Variants in CNGB3 observed in about 807,000 individuals in gnomAD.
CNGB3 encodes the protein cyclic nucleotide-gated channel beta-3.
Under a neutral mutation model 92.8 loss-of-function variants are expected in CNGB3, and 86 were observed. The observed-to-expected ratio is 0.93, with a 90% CI of 0.78 to 1.11. The LOEUF (loss-of-function observed/expected upper bound fraction) is 1.11, where lower values mean the gene tolerates loss of function less well. Among genes scored for constraint, CNGB3 ranks in the 50% least tolerant of loss-of-function variants. The pLI is 0.00. For synonymous variants in CNGB3, 333 were observed against 332.7 expected (o/e 1.00, Z -0.01); for missense variants, 1,026 against 956.8 (o/e 1.07, Z -0.95).
At chr8:86,587,901 T>G (rs1268937397) in intron 15 of CNGB3, among the ~76,000 whole-genome samples, 9 of 152,258 alleles carry the variant, frequency 5.9e-5, no homozygotes, top group African/African-American at 1.4e-4. Context: ...TGATGGGGAT[T>G]GCATTGAATC....
intron 16 of CNGB3, 76 bp downstream of exon 16, chr8:86,579,029 AT>A: frequency 6.3e-7 from 1 of 1,585,342 alleles, no homozygotes; most frequent in Non-Finnish European, 8.7e-7. Context: ...CACAATCATA[AT>A]ACGGTTCTCC....
At chr8:86,674,076 ATTTG>A (rs2131621657) in intron 3 of CNGB3, among the ~76,000 whole-genome samples, 1 of 152,202 alleles carries the variant, frequency 6.6e-6, no homozygotes, top group East Asian at 1.9e-4. Context: ...ACTTTTAACA[ATTTG>A]TTTGACCTTA....
chr8:86,611,550 T>C lies in CNGB3; in HGVS notation c.1662+38A>G, dbSNP rs375020827. ...CTTATGTCCGAAATCCTCAAATGCA[T>C]TTATTAGTTGTGCATTTGAAAAATA... On this transcript the variant is annotated intron_variant, in intron 14 of 17. Coordinates refer to ENST00000320005, the MANE Select transcript of CNGB3 (RefSeq NM_019098.5). 3.5e-4 allele frequency: 517 copies of C among 1,484,024 alleles called. 2 individuals are homozygous for C. The highest frequency in any genetic ancestry group is 4.4e-4 in the Non-Finnish European group (466 of 1,061,436). 91.9% of individuals were successfully genotyped at this position (1,484,024 alleles called of 1,614,324 possible).
At chr8:86,596,411 AAAAC>A (rs1293529776) in intron 15 of CNGB3, among the ~76,000 whole-genome samples, 1 of 150,224 alleles carries the variant, frequency 6.7e-6, no homozygotes, top group African/African-American at 2.5e-5. Context: ...TAAATAAAAT[AAAAC>A]AAAGTAATTT....
At chr8:86,659,044 G>T (rs1333075987) in intron 6 of CNGB3, 4 of 959,862 alleles carry the variant, frequency 4.2e-6, no homozygotes, top group East Asian at 5.0e-5. Context: ...TATAGCTGCT[G>T]CTCCACCTCA....
intron 2 of CNGB3, among the ~76,000 whole-genome samples, chr8:86,731,338 T>A (rs193097199): frequency 3.9e-5 from 6 of 152,036 alleles, no homozygotes; most frequent in Non-Finnish European, 7.4e-5. Context: ...TTGCATGGGG[T>A]CAAAACTAAG....
At chr8:86,651,819 T>C (rs1823409495) in intron 7 of CNGB3, among the ~76,000 whole-genome samples, 2 of 151,976 alleles carry the variant, frequency 1.3e-5, no homozygotes, top group African/African-American at 2.4e-5. Flanking sequence ...GAGTAAGATA[T>C]TGTTTCTATT....
intron 13 of CNGB3, among the ~76,000 whole-genome samples, chr8:86,616,636 A>G (rs1456284650): frequency 6.6e-6 from 1 of 152,136 alleles, no homozygotes; most frequent in Admixed American, 6.5e-5. Context: ...TCTTTTTTCT[A>G]TAAAGTGAGA....
intron 10 of CNGB3, among the ~76,000 whole-genome samples, chr8:86,640,376 G>A (rs1261218533): frequency 6.6e-6 from 1 of 152,088 alleles, no homozygotes; most frequent in African/African-American, 2.4e-5. Flanking sequence ...GAAGTTCTAT[G>A]TCACCAAACT....
chr8:86,681,721 T>C (rs1161424008), intron 3 of CNGB3, among the ~76,000 whole-genome samples: 2 of 152,014 alleles, frequency 1.3e-5, no homozygotes, highest in Non-Finnish European at 2.9e-5. Flanking sequence ...CTTCAAGAGA[T>C]GGAAAAAAAC....
chr8:86,598,632 C>A (rs1039093915), intron 15 of CNGB3, among the ~76,000 whole-genome samples: 3 of 152,124 alleles, frequency 2.0e-5, no homozygotes, highest in African/African-American at 4.8e-5. Flanking sequence ...AGTGAAAAAT[C>A]TTTTCTTGCC....
chr8:86,655,397 G>A (rs1003145206), intron 6 of CNGB3, among the ~76,000 whole-genome samples: 16 of 152,076 alleles, frequency 1.1e-4, no homozygotes, highest in Non-Finnish European at 4.4e-5. Context: ...CTCACTTCCC[G>A]GAGCATCCCA....
At chr8:86,734,008 C>T (rs911513643) in intron 2 of CNGB3, among the ~76,000 whole-genome samples, 9 of 152,064 alleles carry the variant, frequency 5.9e-5, no homozygotes, top group Non-Finnish European at 1.0e-4. Context: ...GCTGGAACTA[C>T]AGGCGGGTGC....
chr8:86,584,703 G>C (rs9692884), intron 15 of CNGB3, among the ~76,000 whole-genome samples: 5,940 of 152,158 alleles, frequency 0.039, 390 homozygotes, highest in African/African-American at 0.13. Context: ...GGAGTACAAA[G>C]AGTTGAGGTT....
intron 3 of CNGB3, among the ~76,000 whole-genome samples, chr8:86,698,461 G>C (rs1824490765): frequency 6.6e-6 from 1 of 152,154 alleles, no homozygotes; most frequent in Admixed American, 6.5e-5. Context: ...TACAAAGATA[G>C]AGAAAACAAT....
intron 15 of CNGB3, among the ~76,000 whole-genome samples, chr8:86,603,314 A>T (rs1822345207): frequency 6.6e-6 from 1 of 152,220 alleles, no homozygotes; most frequent in Non-Finnish European, 1.5e-5. Context: ...TAAGAGCAAT[A>T]CCTGACAATC....
chr8:86,660,114 T>C, intron 6 of CNGB3: 1 of 316,020 alleles, frequency 3.2e-6, no homozygotes, highest in East Asian at 7.8e-5. Flanking sequence ...AGCATGGTCT[T>C]TGCACATATC....
Position 86,647,660 on chromosome 8 carries a change from C to T in CNGB3, c.990+141G>A, listed in dbSNP as rs1324766691. 3 of 604,186 alleles carry T rather than the reference C, an allele frequency of 5.0e-6. No individual in the cohort carries two copies. The East Asian group carries it at 8.6e-5, about 17-fold the overall frequency. 37.4% of individuals were successfully genotyped at this position (604,186 alleles called of 1,614,324 possible). ...AAAAAAATTATAGCATTGATGAGGG[C>T]AGAAAGATGGAGAAGAGTTTGGGAA... On this transcript the variant is annotated intron_variant, in intron 8 of 17. Coordinates refer to ENST00000320005, the MANE Select transcript of CNGB3 (RefSeq NM_019098.5).
chr8:86,604,174 C>T lies in CNGB3; in HGVS notation c.1700G>A (p.Gly567Glu), dbSNP rs267602029. 5.6e-6 allele frequency: 9 copies of T among 1,613,390 alleles called. No individual in the cohort carries two copies. Among genetic ancestry groups the T allele is most frequent in the Non-Finnish European group, 7.6e-6 (9 of 1,179,432 alleles). ...AGGGCCTCCAAGAACTTGGACTTCT[C>T]CATGCTTGATGATATACATTTCCTT... Reference protein sequence around the residue: ...IGKEMYIIKHGEVQVLGGPDG... With the variant: ...IGKEMYIIKHEEVQVLGGPDG... Residue 567 changes from glycine (G) to glutamate (E), a missense_variant, in exon 15 of 18, where the codon GGA becomes GAA. Gly to Glu is a moderately conservative substitution (Grantham distance 98). Transcript: ENST00000320005.
Sources: gnomAD v4.1 joint callset for allele counts (sites outside exome capture counted in the v4.1 genomes callset) on GRCh38, gnomAD v4.1.1 for gene constraint, MANE v1.5 for transcripts, NCBI Gene and HGNC (gene_info 2026-07-23, HGNC 2026-07-21) for gene names.